Variants in CCDC141 observed in about 807,000 individuals in gnomAD.
CCDC141 encodes coiled-coil domain containing 141, also known as coiled-coil domain-containing protein 141.
CCDC141 carries 168 observed loss-of-function variants against 181.0 expected under a neutral mutation model. The ratio of observed to expected loss-of-function variants is 0.93; its 90% CI spans 0.82 to 1.05. CCDC141 has a LOEUF of 1.05. CCDC141 is among the 50% of genes least tolerant of loss of function. The pLI is 0.00. For synonymous variants in CCDC141, 666 were observed against 642.3 expected (o/e 1.04, Z -0.56); for missense variants, 1,902 against 1,788.5 (o/e 1.06, Z -1.14).
At chr2:178,958,825 C>T (rs1316194907) in intron 5 of CCDC141, among the ~76,000 whole-genome samples, 2 of 149,750 alleles carry the variant, frequency 1.3e-5, no homozygotes, top group Admixed American at 6.6e-5. Context: ...CTTACTGTAG[C>T]TATTTTCTTA....
chr2:178,870,044 C>A (rs1192349760), intron 14 of CCDC141, among the ~76,000 whole-genome samples: 1 of 151,880 alleles, frequency 6.6e-6, no homozygotes, highest in Non-Finnish European at 1.5e-5. Flanking sequence ...CCAGCCTGGC[C>A]AACATGGCAG....
intron 11 of CCDC141, among the ~76,000 whole-genome samples, chr2:178,879,228 T>C (rs1439679582): frequency 6.6e-6 from 1 of 152,202 alleles, no homozygotes; most frequent in Non-Finnish European, 1.5e-5. Context: ...TGACACAAGT[T>C]TGTATGCATT....
At chr2:178,959,806 G>A (rs1385971369) in intron 5 of CCDC141, among the ~76,000 whole-genome samples, 1 of 152,188 alleles carries the variant, frequency 6.6e-6, no homozygotes, top group African/African-American at 2.4e-5. Flanking sequence ...CTGCATTTGG[G>A]TCTCTGCTCT....
chr2:179,035,793 T>C (rs2043128922), intron 2 of CCDC141, among the ~76,000 whole-genome samples: 1 of 152,156 alleles, frequency 6.6e-6, no homozygotes. Context: ...GGGCCCAGAA[T>C]ATGGCACAGC....
chr2:178,877,646 G>A, intron 12 of CCDC141: 1 of 372,758 alleles, frequency 2.7e-6, no homozygotes, highest in South Asian at 4.9e-5. Flanking sequence ...AAAGGACCTT[G>A]TTGCATGCTT....
intron 2 of CCDC141, among the ~76,000 whole-genome samples, chr2:179,022,348 T>G (rs1462147018): frequency 6.6e-6 from 1 of 152,154 alleles, no homozygotes; most frequent in Non-Finnish European, 1.5e-5. Flanking sequence ...TAAGACTTGA[T>G]GAAAGCTAGA....
At chr2:179,012,578 C>T (rs1320874819) in intron 2 of CCDC141, among the ~76,000 whole-genome samples, 1 of 151,820 alleles carries the variant, frequency 6.6e-6, no homozygotes, top group Non-Finnish European at 1.5e-5. Flanking sequence ...GACACTATTC[C>T]ACAAGATAAA....
At chr2:178,930,261 G>A (rs1437392802) in intron 6 of CCDC141, among the ~76,000 whole-genome samples, 2 of 151,856 alleles carry the variant, frequency 1.3e-5, no homozygotes, top group East Asian at 3.9e-4. Flanking sequence ...TCAAGGAGAT[G>A]GAAAACTTAT....
chr2:179,015,379 A>ATATATGTATCATATATC (rs1553502968), intron 2 of CCDC141, among the ~76,000 whole-genome samples: 5 of 128,010 alleles, frequency 3.9e-5, no homozygotes, highest in Admixed American at 8.6e-5. Flanking sequence ...TATCATATAT[A>ATATATGTATCATATATC]TCTCATATAT....
intron 8 of CCDC141, among the ~76,000 whole-genome samples, chr2:178,901,460 A>G (rs1293929077): frequency 6.6e-6 from 1 of 152,166 alleles, no homozygotes; most frequent in African/African-American, 2.4e-5. Context: ...ATATACGCAA[A>G]TCAATAAATG....
intron 6 of CCDC141, among the ~76,000 whole-genome samples, chr2:178,927,482 C>T (rs1688950971): frequency 6.6e-6 from 1 of 151,972 alleles, no homozygotes; most frequent in East Asian, 1.9e-4. Flanking sequence ...AAGGATGACA[C>T]ACCATGTCCC....
intron 6 of CCDC141, among the ~76,000 whole-genome samples, chr2:178,922,901 TA>T (rs956881027): frequency 1.3e-5 from 2 of 152,206 alleles, no homozygotes; most frequent in Non-Finnish European, 2.9e-5. Context: ...CCAGTCTTCT[TA>T]ATTACATTTT....
chr2:178,976,143 C>A (rs1193165506), intron 3 of CCDC141, among the ~76,000 whole-genome samples: 2 of 152,072 alleles, frequency 1.3e-5, no homozygotes, highest in Non-Finnish European at 2.9e-5. Flanking sequence ...TTTGATTATC[C>A]TGTCACAGTA....
intron 2 of CCDC141, among the ~76,000 whole-genome samples, chr2:178,981,636 G>GTGTGTGTA (rs1313433628): frequency 8.0e-5 from 5 of 62,404 alleles, no homozygotes; most frequent in African/African-American, 2.7e-4. Flanking sequence ...GTGTGTGTGT[G>GTGTGTGTA]TATATATATA....
intron 11 of CCDC141, among the ~76,000 whole-genome samples, chr2:178,881,735 T>C: frequency 6.6e-6 from 1 of 151,418 alleles, no homozygotes; most frequent in African/African-American, 2.4e-5. Context: ...CAAAAAAAAA[T>C]ACAAAAAAAT....
At chr2:178,984,412 G>A (rs528328069) in intron 2 of CCDC141, among the ~76,000 whole-genome samples, 11 of 150,562 alleles carry the variant, frequency 7.3e-5, no homozygotes, top group South Asian at 2.1e-4. Context: ...ATCAACTAAC[G>A]AGCAAAATCA....
intron 5 of CCDC141, among the ~76,000 whole-genome samples, chr2:178,946,434 G>C (rs191175685): frequency 5.5e-4 from 84 of 152,244 alleles, no homozygotes; most frequent in African/African-American, 1.9e-3. Context: ...TCAAAGTAAA[G>C]TGGATCACGA....
In CCDC141 at chr2:178,829,980, T is replaced by A. The variant is rs2154365082; in HGVS notation, c.*4193A>T. On this transcript the variant is annotated 3_prime_UTR_variant, in exon 24 of 24. Transcript: ENST00000443758. ...TTCTTGGATTTGGCTTTCTTTATAT[T>A]TACAAGTTTGTATGAAATACTGGTT... is the stretch of plus-strand genomic sequence containing the variant. 1 of 152,344 alleles carries A rather than the reference T, an allele frequency of 6.6e-6. No individual in the cohort carries two copies. Among genetic ancestry groups the A allele is most frequent in the East Asian group, 1.9e-4 (1 of 5,186 alleles). The allele number at this position is 152,344 out of a possible 1,614,324, so 9.4% of individuals were successfully genotyped here.
At chr2:178,842,814 G>A (rs1166205277) in intron 22 of CCDC141, among the ~76,000 whole-genome samples, 2 of 152,228 alleles carry the variant, frequency 1.3e-5, no homozygotes, top group East Asian at 1.9e-4. Flanking sequence ...ACAAAAAGGG[G>A]TAATGTGGTA....
Sources: allele counts gnomAD v4.1 joint callset (sites outside exome capture counted in the v4.1 genomes callset), GRCh38; gene constraint gnomAD v4.1.1; transcripts MANE v1.5; gene names NCBI Gene and HGNC (gene_info 2026-07-23, HGNC 2026-07-21).